Variants in CHRM5 observed in about 807,000 individuals in gnomAD.
The protein encoded by CHRM5 is muscarinic acetylcholine receptor M5.
CHRM5 carries 18 observed loss-of-function variants against 39.0 expected under a neutral mutation model. The ratio of observed to expected loss-of-function variants is 0.46; its 90% CI spans 0.32 to 0.68. The LOEUF (loss-of-function observed/expected upper bound fraction) is 0.68, where lower values mean the gene tolerates loss of function less well. Ranked by LOEUF, CHRM5 falls within the 30% of genes least tolerant of loss-of-function variation. CHRM5 has a pLI of 0.04. For synonymous variants in CHRM5, 241 were observed against 246.3 expected (o/e 0.98, Z 0.20); for missense variants, 515 against 651.1 (o/e 0.79, Z 2.28).
chr15:34,042,666 G>T (rs1015073988), intron 1 of CHRM5, among the ~76,000 whole-genome samples: 2 of 151,924 alleles, frequency 1.3e-5, no homozygotes, highest in Non-Finnish European at 2.9e-5. Context: ...GCCTCCCAAA[G>T]TGCTGGGATT....
At chr15:33,973,577 G>A (rs1356852206) in intron 1 of CHRM5, among the ~76,000 whole-genome samples, 2 of 151,910 alleles carry the variant, frequency 1.3e-5, no homozygotes, top group Non-Finnish European at 2.9e-5. Context: ...ATGGCCAAGC[G>A]CAACCTGTAA....
chr15:34,002,930 A>T, intron 1 of CHRM5: 2 of 1,093,650 alleles, frequency 1.8e-6, no homozygotes, highest in Non-Finnish European at 2.6e-6. Flanking sequence ...CAAAGAACAA[A>T]GGATAAATTG....
At chr15:34,009,274 C>T (rs1897529520) in intron 1 of CHRM5, among the ~76,000 whole-genome samples, 1 of 152,040 alleles carries the variant, frequency 6.6e-6, no homozygotes, top group Admixed American at 6.6e-5. Flanking sequence ...GTTCTTCAAA[C>T]TAAAAACAAG....
At chr15:34,054,507 C>T (rs1161439156) in intron 2 of CHRM5, among the ~76,000 whole-genome samples, 1 of 152,086 alleles carries the variant, frequency 6.6e-6, no homozygotes, top group African/African-American at 2.4e-5. Flanking sequence ...TAAAAAGGAA[C>T]AAGATTATGT....
At chr15:34,054,828 T>C (rs1900067738) in intron 2 of CHRM5, among the ~76,000 whole-genome samples, 1 of 152,290 alleles carries the variant, frequency 6.6e-6, no homozygotes, top group East Asian at 1.9e-4. Flanking sequence ...TGCACATGTA[T>C]CCCTGAACTT....
At chr15:33,973,705 A>G (rs1297685393) in intron 1 of CHRM5, among the ~76,000 whole-genome samples, 2 of 152,232 alleles carry the variant, frequency 1.3e-5, no homozygotes, top group African/African-American at 4.8e-5. Context: ...TAAAAAAATA[A>G]GAAAATCTAT....
intron 1 of CHRM5, among the ~76,000 whole-genome samples, chr15:34,024,063 G>A (rs1032764668): frequency 2.6e-5 from 4 of 152,136 alleles, no homozygotes; most frequent in Non-Finnish European, 5.9e-5. Flanking sequence ...CCAGAATACT[G>A]CAAGTAATCC....
At chr15:34,053,039 C>T (rs1899986129) in intron 2 of CHRM5, among the ~76,000 whole-genome samples, 1 of 151,880 alleles carries the variant, frequency 6.6e-6, no homozygotes. Flanking sequence ...GTGGCTCAAA[C>T]CTGTAATCCC....
intron 1 of CHRM5, among the ~76,000 whole-genome samples, chr15:34,029,093 A>G (rs1898637378): frequency 6.6e-6 from 1 of 151,926 alleles, no homozygotes; most frequent in Admixed American, 6.6e-5. Context: ...CATGCTACCC[A>G]CCAGAGTAGA....
chr15:34,024,002 C>T (rs1472580664), intron 1 of CHRM5, among the ~76,000 whole-genome samples: 1 of 152,126 alleles, frequency 6.6e-6, no homozygotes, highest in Non-Finnish European at 1.5e-5. Context: ...TGGTTTTAAT[C>T]GTAACAGGAA....
chr15:34,005,870 G>A lies in CHRM5; in HGVS notation c.-408+36720G>A, dbSNP rs187010603. 5.6e-4 allele frequency among the ~76,000 whole-genome samples: 85 copies of A among 152,238 alleles called. No homozygotes were observed. In the East Asian group the frequency reaches 0.01, roughly 19 times the overall value. ...AGCCTCCCTGTCAAAACAAAAAGAT[G>A]GCGTTCTACATTATGATCTAGGGAC... is the stretch of plus-strand genomic sequence containing the variant. On this transcript the variant is annotated intron_variant, in intron 1 of 2. Transcript: ENST00000383263.
chr15:34,011,199 A>C (rs949838555), intron 1 of CHRM5, among the ~76,000 whole-genome samples: 16 of 152,082 alleles, frequency 1.1e-4, no homozygotes, highest in Admixed American at 8.5e-4. Flanking sequence ...CTCAAAAAAA[A>C]CTTTGTTTAC....
chr15:33,980,045 A>G (rs1896065863), intron 1 of CHRM5, among the ~76,000 whole-genome samples: 3 of 152,224 alleles, frequency 2.0e-5, no homozygotes. Flanking sequence ...TGAGAATAAC[A>G]AGGGAGAAGA....
rs562833103 is a variant in CHRM5, at chr15:33,968,540, G to A, written c.-1018G>A. Among the ~76,000 whole-genome samples, 5 of 152,156 alleles carry A rather than the reference G, an allele frequency of 3.3e-5. No homozygotes were observed. The highest frequency in any genetic ancestry group is 2.1e-4 in the South Asian group (1 of 4,818). On this transcript the variant is annotated 5_prime_UTR_variant, in exon 1 of 3. Coordinates refer to ENST00000383263, the MANE Select transcript of CHRM5 (RefSeq NM_012125.4). ...CACCGTCCAGAGACATGATAAAGCC[G>A]TACTTCCTTCTGGATTTTTACCTCA...
intron 1 of CHRM5, among the ~76,000 whole-genome samples, chr15:34,009,249 A>G (rs1308742929): frequency 6.6e-6 from 1 of 152,246 alleles, no homozygotes; most frequent in Non-Finnish European, 1.5e-5. Context: ...CCACCTTACA[A>G]GATACACTAA....
At chr15:34,023,737 T>C (rs981467965) in intron 1 of CHRM5, among the ~76,000 whole-genome samples, 11 of 152,166 alleles carry the variant, frequency 7.2e-5, no homozygotes, top group African/African-American at 2.7e-4. Context: ...AGCAGTTAAA[T>C]ATTAAAAGTA....
intron 1 of CHRM5, among the ~76,000 whole-genome samples, chr15:34,022,426 G>T (rs1366523105): frequency 1.3e-5 from 2 of 152,138 alleles, no homozygotes; most frequent in African/African-American, 2.4e-5. Context: ...TAAAAGAAAG[G>T]GCAGCAAAGG....
intron 1 of CHRM5, among the ~76,000 whole-genome samples, chr15:33,976,088 G>C (rs1399305971): frequency 1.3e-5 from 2 of 152,122 alleles, no homozygotes; most frequent in Non-Finnish European, 2.9e-5. Context: ...TGGGGCTCAA[G>C]TATTTAAGCT....
At chr15:33,983,257 T>G (rs1289099426) in intron 1 of CHRM5, among the ~76,000 whole-genome samples, 5 of 131,366 alleles carry the variant, frequency 3.8e-5, no homozygotes, top group Non-Finnish European at 7.6e-5. Context: ...TATATATGGC[T>G]TCTTGGTAAC....
Sources: gnomAD v4.1 joint callset for allele counts (sites outside exome capture counted in the v4.1 genomes callset) on GRCh38, gnomAD v4.1.1 for gene constraint, MANE v1.5 for transcripts, NCBI Gene and HGNC (gene_info 2026-07-23, HGNC 2026-07-21) for gene names.